SYCE1: variants seen among roughly 807,000 people sequenced by gnomAD.
SYCE1 encodes the protein cancer/testis antigen 76.
SYCE1 carries 37 observed loss-of-function variants against 55.1 expected under a neutral mutation model. That is an observed-to-expected ratio of 0.67 (90% CI 0.52 to 0.88). The LOEUF is 0.88. Among genes scored for constraint, SYCE1 ranks in the 40% least tolerant of loss-of-function variants. The probability of loss-of-function intolerance (pLI) is 0.00; values close to 1 mark genes in which losing one functional copy is unlikely to be tolerated. For synonymous variants in SYCE1, 163 were observed against 159.4 expected (o/e 1.02, Z -0.17); for missense variants, 399 against 416.4 (o/e 0.96, Z 0.36).
upstream of SYCE1, among the ~76,000 whole-genome samples, chr10:133,566,629 TG>T (rs1253518738): frequency 3.3e-5 from 2 of 60,026 alleles, no homozygotes; most frequent in Non-Finnish European, 7.0e-5. Flanking sequence ...GGTTAGGGTT[TG>T]GGGGCTAGGG....
chr10:133,555,981 C>G lies in SYCE1; in HGVS notation c.595G>C (p.Glu199Gln). ...GGCCATCCACCTTCCCTGGTCTCAC[C>G]TTCCTTGAGCAGCTGCTCCTTGCTG... ...DSSKEQLLKE[E>Q]KLVKATLEDV... The change falls in exon 9 of 13, where the codon GAG becomes CAG. Residue 199 changes from glutamate (E) to glutamine (Q), a missense_variant and splice_region_variant. By Grantham distance (29) the Glu-to-Gln change is conservative. Coordinates refer to ENST00000343131, the MANE Select transcript of SYCE1 (RefSeq NM_001143764.3). 1.2e-6 allele frequency: 2 copies of G among 1,614,174 alleles called. No homozygotes were observed. Among genetic ancestry groups the G allele is most frequent in the East Asian group, 2.2e-5 (1 of 44,880 alleles).
At chr10:133,565,431 C>T (rs1031515017) in intron 1 of SYCE1, 26 bp downstream of exon 1, 1 of 1,541,106 alleles carries the variant, frequency 6.5e-7, no homozygotes, top group Non-Finnish European at 8.8e-7. Flanking sequence ...GACCCTCACG[C>T]ACAGTTCCCT....
Position 133,555,129 on chromosome 10 carries a change from C to T in SYCE1, c.919G>A (p.Ala307Thr). Residue 307 changes from alanine (A) to threonine (T), a missense_variant and splice_region_variant, in exon 13 of 13, where the codon GCC (alanine) becomes ACC (threonine). Coordinates refer to ENST00000343131, the MANE Select transcript of SYCE1 (RefSeq NM_001143764.3). ...QEEEAGPGDV[A>T]SPKPLKGERP... ...TCTCCTTTTAGGGGCTTGGGACTGG[C>T]CTGCAGGAGGTTAGTGTCCAGGGTG... 7 of 1,546,456 alleles carry T rather than the reference C, an allele frequency of 4.5e-6. No individual in the cohort carries two copies. The highest frequency in any genetic ancestry group is 6.1e-6 in the Non-Finnish European group (7 of 1,145,270).
upstream of SYCE1, among the ~76,000 whole-genome samples, chr10:133,566,561 G>T (rs1564860482): frequency 8.2e-6 from 1 of 122,622 alleles, no homozygotes; most frequent in Non-Finnish European, 1.7e-5. Context: ...TAGGGTCGGG[G>T]TAGGGGTAGG....
chr10:133,565,683 G>T, upstream of SYCE1: 1 of 711,630 alleles, frequency 1.4e-6, no homozygotes, highest in Non-Finnish European at 2.2e-6. Flanking sequence ...GCAGGCCTGC[G>T]TGGCACTAGT....
In SYCE1 at chr10:133,555,842, A is replaced by C; in HGVS notation, c.657T>G (p.Ala219=). The C allele has an allele frequency of 5.0e-6, 8 of 1,613,978 alleles. No individual in the cohort carries two copies. Among genetic ancestry groups the C allele is most frequent in the Non-Finnish European group, 6.8e-6 (8 of 1,180,006 alleles). The part of the protein sequence containing the change: ...VKHQLCSLCG[A]EGPSTLDEGL... ...CCTCATCAAGGGTGGAGGGGCCCTC[A>C]GCCCCACACAGGGAGCACAGCTGAT... The change falls in exon 10 of 13, where the codon GCT becomes GCG. Residue 219 remains alanine, a synonymous_variant. Transcript: ENST00000343131.
Position 133,557,235 on chromosome 10 carries a change from T to C in SYCE1, c.375-79A>G, listed in dbSNP as rs868150623. On this transcript the variant is annotated intron_variant, in intron 6 of 12. Coordinates refer to ENST00000343131, the MANE Select transcript of SYCE1 (RefSeq NM_001143764.3). ...CTGGGCTGGGGCTTCTGCCTCCCTC[T>C]ATTGAGGCTATTTTTTCCCTCTACA... The C allele has an allele frequency of 6.2e-5, 72 of 1,164,898 alleles. No homozygotes were observed. In the Middle Eastern group the frequency reaches 3.3e-3, roughly 53 times the overall value. 72.2% of individuals were successfully genotyped at this position (1,164,898 alleles called of 1,614,324 possible).
Position 133,557,286 on chromosome 10 carries a change from G to C in SYCE1, c.375-130C>G, listed in dbSNP as rs1851708244. 4 of 742,838 alleles carry C rather than the reference G, an allele frequency of 5.4e-6. No homozygotes were observed. In the South Asian group the frequency reaches 6.5e-5, roughly 12 times the overall value. The allele number at this position is 742,838 out of a possible 1,614,324, so 46.0% of individuals were successfully genotyped here. A position where few individuals can be genotyped will look rare whatever the true frequency, so the allele number is the denominator to read the frequency against. The stretch of plus-strand genomic sequence containing the variant: ...TTAAGGTCCTTCTCTGTAACATGTG[G>C]TAAGTAGGGAGTGACATGACCATTT... On this transcript the variant is annotated intron_variant, in intron 6 of 12. Coordinates refer to ENST00000343131, the MANE Select transcript of SYCE1 (RefSeq NM_001143764.3).
intron 12 of SYCE1, 107 bp downstream of exon 12, chr10:133,555,244 A>AG: frequency 2.5e-6 from 4 of 1,574,718 alleles, no homozygotes; most frequent in Non-Finnish European, 3.5e-6. Context: ...CCCTCCCCAT[A>AG]GACCATCCTC....
upstream of SYCE1, among the ~76,000 whole-genome samples, chr10:133,566,004 G>A (rs1353034158): frequency 2.6e-5 from 4 of 152,250 alleles, no homozygotes; most frequent in African/African-American, 7.2e-5. Context: ...GCCCCAGCGA[G>A]TGAAATCTGC....
At position 133,555,806 on chromosome 10, in the gene SYCE1, GAGAA is replaced by G. The variant is rs1851661783; in HGVS notation, c.689_692del (p.Phe230SerfsTer24). On this transcript the variant is annotated frameshift_variant, in exon 10 of 13. Coordinates refer to ENST00000343131, the MANE Select transcript of SYCE1 (RefSeq NM_001143764.3). LOFTEE classifies it high-confidence loss of function. ...CTGTGGCTGCAGCCTCCTGGCTGCG[GAGAA>G]AGAGTCCCTCATCAAGGGTGGAGGG... 1 of 1,613,502 alleles carries G rather than the reference GAGAA, an allele frequency of 6.2e-7. No individual in the cohort carries two copies. The highest frequency in any genetic ancestry group is 1.1e-5 in the South Asian group (1 of 91,062).
chr10:133,557,593 A>T, intron 6 of SYCE1: 1 of 552,814 alleles, frequency 1.8e-6, no homozygotes, highest in Admixed American at 3.1e-5. Flanking sequence ...ATAGACATCC[A>T]AGGAGTATGA....
rs1317752342 is a variant in SYCE1, at chr10:133,555,882, A to G, written c.617T>C (p.Leu206Pro). Residue 206 changes from leucine (L) to proline (P), a missense_variant, in exon 10 of 13, where the codon CTG becomes CCG. Leu to Pro is a moderately conservative substitution (Grantham distance 98). Transcript: ENST00000343131. ...GCACAGCTGATGCTTCACGTCTTCC[A>G]GTGTCGCCTTGACCAGCTTCTCTGC... Reference protein sequence around the residue: ...LKEEKLVKATLEDVKHQLCSL... With the variant: ...LKEEKLVKATPEDVKHQLCSL... 7.4e-6 allele frequency: 12 copies of G among 1,614,088 alleles called. No homozygotes were observed. The highest frequency in any genetic ancestry group is 1.3e-5 in the African/African-American group (1 of 75,050).
upstream of SYCE1, chr10:133,565,683 G>A: frequency 1.4e-6 from 1 of 711,630 alleles, no homozygotes; most frequent in South Asian, 2.1e-5. Flanking sequence ...GCAGGCCTGC[G>A]TGGCACTAGT....
rs1564856694 is a variant in SYCE1 at position 133,558,232 on chromosome 10, A to G, written c.272-18T>C. On this transcript the variant is annotated intron_variant, in intron 4 of 12. Transcript: ENST00000343131. ...TCCATGCACTAGAAAACAGTGACAC[A>G]TTTTGGCATCAGGGACTATGCACTG... 5 of 1,614,114 alleles carry G rather than the reference A, an allele frequency of 3.1e-6. No individual in the cohort carries two copies. The highest frequency in any genetic ancestry group is 1.6e-4 in the Middle Eastern group (1 of 6,062).
intron 6 of SYCE1, 39 bp downstream of exon 6, chr10:133,557,825 A>T: frequency 1.9e-6 from 3 of 1,606,164 alleles, no homozygotes. Flanking sequence ...ACCAGAATAA[A>T]GAGGTAGTGC....
upstream of SYCE1, among the ~76,000 whole-genome samples, chr10:133,566,215 C>G (rs1041175593): frequency 6.6e-6 from 1 of 152,194 alleles, no homozygotes; most frequent in East Asian, 1.9e-4. Flanking sequence ...CAGAGGCTTT[C>G]GGGAGAACCC....
chr10:133,555,545 A>C, intron 11 of SYCE1, 52 bp downstream of exon 11: 1 of 1,604,412 alleles, frequency 6.2e-7, no homozygotes, highest in Non-Finnish European at 8.5e-7. Flanking sequence ...AGGAGATACA[A>C]CATCAGTCAT....
rs547962258 is a variant in SYCE1, at chr10:133,555,644, G to A, written c.783C>T (p.His261=). The change falls in exon 11 of 13, where the codon CAC becomes CAT. Residue 261 remains histidine, a synonymous_variant. Transcript: ENST00000343131. ...GTTGGCACTTCTGCTGCAGCTGCTG[G>A]TGGCGCTGGGCAGCAGCTGCTAGGA... The part of the protein sequence containing the change: ...EELLAAAAQR[H]QQLQQKCQQQ... 3.4e-5 allele frequency: 54 copies of A among 1,605,518 alleles called. No homozygotes were observed. In the East Asian group the frequency reaches 1.1e-3, roughly 32 times the overall value.
Sources: allele counts gnomAD v4.1 joint callset (sites outside exome capture counted in the v4.1 genomes callset), GRCh38; gene constraint gnomAD v4.1.1; transcripts MANE v1.5; gene names NCBI Gene and HGNC (gene_info 2026-07-23, HGNC 2026-07-21).